Variants in PDXDC1 observed in about 807,000 individuals in gnomAD.
The protein encoded by PDXDC1 is pyridoxal dependent decarboxylase domain containing 1.
In PDXDC1, 42 loss-of-function variants were observed where a neutral mutation model predicts 100.1. The ratio of observed to expected loss-of-function variants is 0.42; its 90% confidence interval spans 0.33 to 0.54. The LOEUF is 0.54. PDXDC1 is among the 20% of genes least tolerant of loss of function. The pLI, the probability that PDXDC1 is intolerant of heterozygous loss-of-function variation, is 0.10. For missense variants in PDXDC1, 636 were observed against 979.2 expected (o/e 0.65, Z 4.68); for synonymous variants, 260 against 371.7 (o/e 0.70, Z 3.46).
At chr16:15,114,886 C>T (rs1346458131) in intron 16 of PDXDC1, among the ~76,000 whole-genome samples, 2 of 134,632 alleles carry the variant, frequency 1.5e-5, no homozygotes, top group Non-Finnish European at 3.2e-5. Flanking sequence ...ACATAACATA[C>T]ACTAACACTA....
At chr16:15,090,477 T>C (rs1232316261) in intron 16 of PDXDC1, among the ~76,000 whole-genome samples, 1 of 152,206 alleles carries the variant, frequency 6.6e-6, no homozygotes, top group Non-Finnish European at 1.5e-5. Flanking sequence ...CATGCACCTA[T>C]AGTCCCAGCT....
In PDXDC1 at chr16:15,036,531, C is replaced by CA. The variant is rs1372838038; in HGVS notation, c.*262dup. 16 of 519,416 alleles carry CA rather than the reference C, an allele frequency of 3.1e-5. No individual in the cohort carries two copies. In the East Asian group the frequency reaches 3.8e-4, roughly 12 times the overall value. The allele number at this position is 519,416 out of a possible 1,614,324, so 32.2% of individuals were successfully genotyped here. On this transcript the variant is annotated 3_prime_UTR_variant, in exon 23 of 23. Coordinates refer to ENST00000396410, the MANE Select transcript of PDXDC1 (RefSeq NM_015027.4). ...AGTTACCATAAACACATTTTATTCA[C>CA]AAAAAACACTTCGAATTTCAAGTGT...
chr16:15,087,597 A>T (rs2045958534), intron 16 of PDXDC1, among the ~76,000 whole-genome samples: 1 of 152,172 alleles, frequency 6.6e-6, no homozygotes, highest in Admixed American at 6.5e-5. Flanking sequence ...TGAAATCCCA[A>T]GTAGCCTGGC....
downstream of PDXDC1, among the ~76,000 whole-genome samples, chr16:15,041,875 G>T (rs1170636020): frequency 6.6e-6 from 1 of 152,200 alleles, no homozygotes; most frequent in Non-Finnish European, 1.5e-5. Context: ...ACCGCCAGGA[G>T]ATGGCCACAT....
intron 16 of PDXDC1, among the ~76,000 whole-genome samples, chr16:15,099,679 C>A (rs2046475868): frequency 6.6e-6 from 1 of 151,996 alleles, no homozygotes; most frequent in Admixed American, 6.6e-5. Context: ...AAAAAGCATG[C>A]AAGGATTAAC....
chr16:15,122,911 T>TGGAGGA (rs1297838771), intron 16 of PDXDC1, among the ~76,000 whole-genome samples: 1 of 127,752 alleles, frequency 7.8e-6, no homozygotes, highest in Middle Eastern at 4.0e-3. Flanking sequence ...CTGGAGGAGG[T>TGGAGGA]GGAGGAGGAG....
At chr16:15,047,600 G>T in intron 16 of PDXDC1, 1 of 1,346,396 alleles carries the variant, frequency 7.4e-7, no homozygotes, top group Non-Finnish European at 1.1e-6. Context: ...TGCGAGTGCA[G>T]TGCGCAGGCC....
chr16:15,021,247 C>T (rs1469962906), intron 12 of PDXDC1, among the ~76,000 whole-genome samples: 2 of 152,186 alleles, frequency 1.3e-5, no homozygotes, highest in Non-Finnish European at 2.9e-5. Flanking sequence ...TGTAGTGGCA[C>T]ACACCTGTGA....
In PDXDC1 at chr16:15,036,005, C is replaced by T; in HGVS notation, c.2108-11C>T. On this transcript the variant is annotated splice_polypyrimidine_tract_variant and intron_variant, in intron 22 of 22. Coordinates refer to ENST00000396410, the MANE Select transcript of PDXDC1 (RefSeq NM_015027.4). Reference sequence around the variant, plus strand: ...CTGAGTTTCAGCGCAGTCTGTCTGCCCTTTCTGTAGGCCAGAAGCCTTTTA... The same window carrying T: ...CTGAGTTTCAGCGCAGTCTGTCTGCTCTTTCTGTAGGCCAGAAGCCTTTTA... 1 of 1,606,320 alleles carries T rather than the reference C, an allele frequency of 6.2e-7. No individual in the cohort carries two copies. The highest frequency in any genetic ancestry group is 8.5e-7 in the Non-Finnish European group (1 of 1,176,006).
At chr16:15,024,106 T>A (rs1379834171) in intron 13 of PDXDC1, among the ~76,000 whole-genome samples, 1 of 152,278 alleles carries the variant, frequency 6.6e-6, no homozygotes, top group Non-Finnish European at 1.5e-5. Context: ...AATCACCAGT[T>A]GTTTTGGAGC....
At chr16:15,141,901 A>G (rs2048481202), downstream of PDXDC1, among the ~76,000 whole-genome samples, 1 of 152,168 alleles carries the variant, frequency 6.6e-6, no homozygotes, top group Non-Finnish European at 1.5e-5. Flanking sequence ...CTGAGGAGGG[A>G]CTTTTCAGCG....
chr16:15,064,588 T>A (rs1003190726), intron 16 of PDXDC1, among the ~76,000 whole-genome samples: 36 of 152,156 alleles, frequency 2.4e-4, no homozygotes, highest in African/African-American at 8.7e-4. Context: ...CCCTCCCCTA[T>A]CCTGGCACCA....
intron 21 of PDXDC1, among the ~76,000 whole-genome samples, chr16:15,034,915 G>T (rs1013043395): frequency 6.6e-6 from 1 of 152,192 alleles, no homozygotes; most frequent in African/African-American, 2.4e-5. Context: ...GACAGCTTTT[G>T]CAAGTGGCAA....
intron 16 of PDXDC1, among the ~76,000 whole-genome samples, chr16:15,054,329 C>T (rs1055637489): frequency 6.6e-6 from 1 of 152,216 alleles, no homozygotes; most frequent in Admixed American, 6.5e-5. Flanking sequence ...CCAAAACCTT[C>T]CTTCGAGAGA....
At chr16:14,984,580 C>G (rs1294578278) in intron 1 of PDXDC1, among the ~76,000 whole-genome samples, 1 of 151,148 alleles carries the variant, frequency 6.6e-6, no homozygotes, top group Admixed American at 6.7e-5. Flanking sequence ...TCACTGCAAC[C>G]TCCGCCTCCC....
At chr16:15,082,951 A>G (rs1231133678) in intron 16 of PDXDC1, among the ~76,000 whole-genome samples, 2 of 152,254 alleles carry the variant, frequency 1.3e-5, no homozygotes, top group African/African-American at 2.4e-5. Context: ...GCATAAAGCC[A>G]CTACAGATAT....
intron 16 of PDXDC1, chr16:15,044,655 C>A: frequency 1.8e-6 from 1 of 547,476 alleles, no homozygotes; most frequent in East Asian, 3.0e-5. Flanking sequence ...TGTGATGCCG[C>A]CTCCATGCAC....
intron 16 of PDXDC1, among the ~76,000 whole-genome samples, chr16:15,078,934 C>A (rs567508961): frequency 6.6e-6 from 1 of 152,000 alleles, no homozygotes; most frequent in South Asian, 2.1e-4. Context: ...GCCTCAGCCT[C>A]CCGAGTAGCT....
At chr16:15,055,192 T>C (rs2044457088) in intron 16 of PDXDC1, among the ~76,000 whole-genome samples, 1 of 152,050 alleles carries the variant, frequency 6.6e-6, no homozygotes, top group South Asian at 2.1e-4. Context: ...CCCGCTCTTT[T>C]TAAAACCTGA....
Sources: allele counts gnomAD v4.1 joint callset (sites outside exome capture counted in the v4.1 genomes callset), GRCh38; gene constraint gnomAD v4.1.1; transcripts MANE v1.5; gene names NCBI Gene and HGNC (gene_info 2026-07-23, HGNC 2026-07-21).